Variants in LRRIQ1 observed in about 807,000 individuals in gnomAD.
The protein encoded by LRRIQ1 is leucine-rich repeat- and IQ domain-containing protein 1.
In LRRIQ1, 210 loss-of-function variants were observed where a neutral mutation model predicts 211.9. The ratio of observed to expected loss-of-function variants is 0.99; its 90% CI spans 0.89 to 1.11. LRRIQ1 has a LOEUF of 1.11. Among genes scored for constraint, LRRIQ1 ranks in the 50% most tolerant of loss-of-function variants. The pLI, the probability that LRRIQ1 is intolerant of heterozygous loss-of-function variation, is 0.00. For missense variants in LRRIQ1, 2,136 were observed against 1,939.5 expected, an observed-to-expected ratio of 1.10 and a Z score of -1.90; for synonymous variants, 699 against 650.1, an observed-to-expected ratio of 1.08 and a Z score of -1.14.
At chr12:85,227,981 G>A (rs1663185772) in intron 24 of LRRIQ1, among the ~76,000 whole-genome samples, 1 of 152,298 alleles carries the variant, frequency 6.6e-6, no homozygotes. Context: ...GTGGAAAGCT[G>A]AAACTGGATC....
chr12:85,111,999 TAAATA>T (rs1375041011), intron 15 of LRRIQ1, among the ~76,000 whole-genome samples: 1 of 151,672 alleles, frequency 6.6e-6, no homozygotes, highest in Non-Finnish European at 1.5e-5. Flanking sequence ...ATTTTGTTAA[TAAATA>T]AAAATTGAGG....
At chr12:85,112,544 G>A (rs1487538187) in intron 15 of LRRIQ1, among the ~76,000 whole-genome samples, 1 of 110,644 alleles carries the variant, frequency 9.0e-6, no homozygotes, top group Non-Finnish European at 2.0e-5. Flanking sequence ...TTTATGTTCT[G>A]AAATAATCTC....
chr12:85,126,574 G>A (rs1888381995), intron 17 of LRRIQ1, among the ~76,000 whole-genome samples: 1 of 152,124 alleles, frequency 6.6e-6, no homozygotes, highest in Admixed American at 6.5e-5. Context: ...CTAGGAGGAG[G>A]AAATGATTTG....
chr12:85,259,094 C>T (rs941111645), intron 1 of LRRIQ1, among the ~76,000 whole-genome samples: 1 of 151,946 alleles, frequency 6.6e-6, no homozygotes, highest in Non-Finnish European at 1.5e-5. Context: ...GCATAATCAT[C>T]AAGACATAGT....
intron 23 of LRRIQ1, among the ~76,000 whole-genome samples, chr12:85,155,281 TA>T (rs1232103595): frequency 6.6e-6 from 1 of 151,572 alleles, no homozygotes; most frequent in Non-Finnish European, 1.5e-5. Flanking sequence ...AAAGAAAATA[TA>T]AACACCTTGC....
In LRRIQ1 at chr12:85,173,708, A is replaced by T. The variant is rs141220887; in HGVS notation, c.4822+12994A>T. ...GTCTTTCTCTTCTTCTTCTTATAGG[A>T]CCAGTAATTCCATCATGAGGATCCC... is the stretch of plus-strand genomic sequence containing the variant. On this transcript the variant is annotated intron_variant, in intron 24 of 26. Coordinates refer to ENST00000393217, the MANE Select transcript of LRRIQ1 (RefSeq NM_001079910.2). 2.8e-3 allele frequency among the ~76,000 whole-genome samples: 420 copies of T among 152,082 alleles called. 3 individuals carry two copies. Among genetic ancestry groups the T allele is most frequent in the Non-Finnish European group, 2.6e-3 (180 of 67,992 alleles).
exon 2 of LRRIQ1, chr12:85,263,894 A>G (rs1896367008): frequency 1.3e-5 from 2 of 151,986 alleles, no homozygotes; most frequent in Admixed American, 6.6e-5. Flanking sequence ...TGTGTGATTA[A>G]TGTTCTACCC....
intron 24 of LRRIQ1, among the ~76,000 whole-genome samples, chr12:85,215,972 C>G (rs995760536): frequency 6.6e-6 from 1 of 152,046 alleles, no homozygotes; most frequent in African/African-American, 2.4e-5. Context: ...TCAAGAAAGT[C>G]AAGGTTATAA....
At chr12:85,258,426 A>G (rs1244007043) in intron 1 of LRRIQ1, among the ~76,000 whole-genome samples, 1 of 151,936 alleles carries the variant, frequency 6.6e-6, no homozygotes, top group Non-Finnish European at 1.5e-5. Context: ...AGCAATCTCA[A>G]AAACAAGAAA....
chr12:85,173,008 C>G (rs1018481800), intron 24 of LRRIQ1, among the ~76,000 whole-genome samples: 39 of 151,978 alleles, frequency 2.6e-4, no homozygotes, highest in African/African-American at 8.9e-4. Flanking sequence ...ACTCGGGAGG[C>G]TGAGGTAGGA....
At chr12:85,231,096 A>T (rs998886107) in intron 25 of LRRIQ1, among the ~76,000 whole-genome samples, 12 of 152,314 alleles carry the variant, frequency 7.9e-5, no homozygotes, top group Non-Finnish European at 1.6e-4. Flanking sequence ...AATTTTAGAA[A>T]TATTTCCAGG....
At chr12:85,191,773 A>G (rs1892522897) in intron 24 of LRRIQ1, among the ~76,000 whole-genome samples, 1 of 151,984 alleles carries the variant, frequency 6.6e-6, no homozygotes, top group African/African-American at 2.4e-5. Context: ...GCAATGAATG[A>G]CAGTCCTGTC....
chr12:85,057,799 T>G (rs545323908), intron 8 of LRRIQ1, among the ~76,000 whole-genome samples: 2 of 151,956 alleles, frequency 1.3e-5, no homozygotes, highest in African/African-American at 2.4e-5. Context: ...CAGAAACTAA[T>G]AAACGTATAG....
intron 24 of LRRIQ1, among the ~76,000 whole-genome samples, chr12:85,200,818 A>ATT (rs746913040): frequency 1.9e-4 from 29 of 148,998 alleles, no homozygotes; most frequent in African/African-American, 6.9e-4. Flanking sequence ...ATGGCTTAGC[A>ATT]TTTTTTTTTC....
intron 16 of LRRIQ1, among the ~76,000 whole-genome samples, chr12:85,122,904 A>G (rs925053105): frequency 6.6e-6 from 1 of 152,040 alleles, no homozygotes; most frequent in Non-Finnish European, 1.5e-5. Context: ...TTGAAGTCCA[A>G]ATTTCAACAT....
At chr12:85,087,994 G>A (rs942387113) in intron 11 of LRRIQ1, among the ~76,000 whole-genome samples, 7 of 152,068 alleles carry the variant, frequency 4.6e-5, no homozygotes, top group Non-Finnish European at 1.0e-4. Context: ...CATTGCTTTC[G>A]GTGTTTTAGA....
At chr12:85,109,862 A>G (rs1019326651) in intron 15 of LRRIQ1, among the ~76,000 whole-genome samples, 2 of 152,068 alleles carry the variant, frequency 1.3e-5, no homozygotes, top group South Asian at 2.1e-4. Flanking sequence ...TGGTCTTTCT[A>G]TGTTGCCCAG....
chr12:85,250,743 G>A (rs1370403641), intron 1 of LRRIQ1, among the ~76,000 whole-genome samples: 1 of 137,098 alleles, frequency 7.3e-6, no homozygotes, highest in Non-Finnish European at 1.5e-5. Context: ...CTGCTGCTAA[G>A]AGGCAATAAA....
chr12:85,202,651 T>C (rs1887347238), intron 24 of LRRIQ1, among the ~76,000 whole-genome samples: 1 of 152,170 alleles, frequency 6.6e-6, no homozygotes, highest in Non-Finnish European at 1.5e-5. Flanking sequence ...TTTCTCCATC[T>C]CTTTACTTTG....
Sources: gnomAD v4.1 joint callset for allele counts (sites outside exome capture counted in the v4.1 genomes callset) on GRCh38, gnomAD v4.1.1 for gene constraint, MANE v1.5 for transcripts, NCBI Gene and HGNC (gene_info 2026-07-23, HGNC 2026-07-21) for gene names.